Variants in SPTBN5 observed in about 807,000 individuals in gnomAD.
The protein encoded by SPTBN5 is spectrin beta, non-erythrocytic 5.
SPTBN5 carries 513 observed loss-of-function variants against 477.6 expected under a neutral mutation model. The ratio of observed to expected loss-of-function variants is 1.07; its 90% CI spans 1.00 to 1.16. SPTBN5 has a LOEUF of 1.16. Ranked by LOEUF, SPTBN5 falls within the 50% of genes most tolerant of loss-of-function variation. SPTBN5 has a pLI of 0.00. For synonymous variants in SPTBN5, 2,169 were observed against 2,011.7 expected, an observed-to-expected ratio of 1.08 and a Z score of -2.09; for missense variants, 5,062 against 4,731.8, an observed-to-expected ratio of 1.07 and a Z score of -2.05.
intron 3 of SPTBN5, among the ~76,000 whole-genome samples, chr15:41,890,536 G>A (rs1470358840): frequency 1.3e-5 from 2 of 152,248 alleles, no homozygotes; most frequent in African/African-American, 4.8e-5. Context: ...TGGAAATGAG[G>A]GGTCATAACA....
Position 41,886,318 on chromosome 15 carries a change from G to T in SPTBN5, c.937C>A (p.Gln313Lys), listed in dbSNP as rs780787744. 1.4e-5 allele frequency: 22 copies of T among 1,612,528 alleles called. No homozygotes were observed. Among genetic ancestry groups the T allele is most frequent in the Non-Finnish European group, 1.8e-5 (21 of 1,179,460 alleles). ...CAGCGTAGAAGGTCAGCCACCAGCTGCTCGTACTGGGTCTGCAGCAGCTCT... is the reference window on the plus strand; with the variant it reads ...CAGCGTAGAAGGTCAGCCACCAGCTTCTCGTACTGGGTCTGCAGCAGCTCT... Reference protein sequence around the residue: ...ETELLQTQYEQLVADLLRWIA... With the variant: ...ETELLQTQYEKLVADLLRWIA... The change falls in exon 7 of 68, where the codon CAG becomes AAG. Residue 313 changes from glutamine (Q) to lysine (K), a missense_variant. Coordinates refer to ENST00000320955, the MANE Select transcript of SPTBN5 (RefSeq NM_016642.4).
Position 41,848,494 on chromosome 15 carries a change from G to A in SPTBN5, c.*122C>T, listed in dbSNP as rs1246494531. ...ACTGTCTATTCCAGAAGCTGGGCCTGGGGAACTGGGTTGAAGCAGCCACGG... is the reference window on the plus strand; with the variant it reads ...ACTGTCTATTCCAGAAGCTGGGCCTAGGGAACTGGGTTGAAGCAGCCACGG... On this transcript the variant is annotated 3_prime_UTR_variant, in exon 68 of 68. Coordinates refer to ENST00000320955, the MANE Select transcript of SPTBN5 (RefSeq NM_016642.4). 14 of 1,148,344 alleles carry A rather than the reference G, an allele frequency of 1.2e-5. No individual in the cohort carries two copies. The highest frequency in any genetic ancestry group is 4.6e-5 in the African/African-American group (3 of 65,684). 71.1% of individuals were successfully genotyped at this position (1,148,344 alleles called of 1,614,324 possible). A position where few individuals can be genotyped will look rare whatever the true frequency, so the allele number is the denominator to read the frequency against.
At position 41,885,801 on chromosome 15, in the gene SPTBN5, G is replaced by A; in HGVS notation, c.1454C>T (p.Ala485Val). ...GAGGATGTCTGCGATCTCAGCCAGG[G>A]CCTGGAAGCGCCCCTCCTGGGGCAG... ...GILPQEGRFQ[A>V]LAEIADILRQ... Residue 485 changes from alanine (A) to valine (V), a missense_variant, in exon 7 of 68, where the codon GCC (alanine) becomes GTC (valine). Physicochemically the swap from Ala to Val is moderately conservative, Grantham distance 64. Transcript: ENST00000320955. 6.4e-7 allele frequency: 1 copy of A among 1,557,814 alleles called. No individual in the cohort carries two copies. Among genetic ancestry groups the A allele is most frequent in the Non-Finnish European group, 8.7e-7 (1 of 1,150,956 alleles).
rs778780196 is a variant in SPTBN5 at position 41,869,986 on chromosome 15, T to G, written c.5708A>C (p.Gln1903Pro). The G allele has an allele frequency of 2.2e-5, 34 of 1,527,070 alleles. No homozygotes were observed. The highest frequency in any genetic ancestry group is 2.8e-5 in the Non-Finnish European group (32 of 1,135,840). The allele number at this position is 1,527,070 out of a possible 1,614,324, so 94.6% of individuals were successfully genotyped here. A position where few individuals can be genotyped will look rare whatever the true frequency, so the allele number is the denominator to read the frequency against. ...GGCCTGAGGCCCCGGACACAGCTTC[T>G]GCACCCTGCCTGCAGTCTCCAGCAG... ...QELLETAGRV[Q>P]KLCPGPQAHA... The change falls in exon 32 of 68, where the codon CAG becomes CCG. Residue 1903 changes from glutamine to proline, a missense_variant. Coordinates refer to ENST00000320955, the MANE Select transcript of SPTBN5 (RefSeq NM_016642.4).
At chr15:41,888,208 T>A in intron 4 of SPTBN5, 123 bp from the exon 5 acceptor site, 1 of 919,318 alleles carries the variant, frequency 1.1e-6, no homozygotes, top group Non-Finnish European at 1.6e-6. Context: ...CCGGGGCCAG[T>A]GTGACTCTCC....
rs1245050655 is a variant in SPTBN5 at position 41,861,793 on chromosome 15, C to G, written c.7679G>C (p.Ser2560Thr). The stretch of plus-strand genomic sequence containing the variant: ...ATGCTCCTGCCAGGCCCCTTCCAGG[C>G]TGCTCAGCTCCTGTTCTAAGCCAGC... ...VLAGLEQELS[S>T]LEGAWQEHQL... Residue 2560 changes from serine to threonine, a missense_variant, in exon 45 of 68, where the codon AGC (serine) becomes ACC (threonine). Ser to Thr is a moderately conservative substitution (Grantham distance 58). Transcript: ENST00000320955. 1 of 1,565,054 alleles carries G rather than the reference C, an allele frequency of 6.4e-7. No individual in the cohort carries two copies. Among genetic ancestry groups the G allele is most frequent in the Admixed American group, 1.9e-5 (1 of 53,894 alleles).
intron 7 of SPTBN5, among the ~76,000 whole-genome samples, chr15:41,885,258 A>G (rs768702369): frequency 2.1e-4 from 32 of 152,160 alleles, no homozygotes; most frequent in Non-Finnish European, 4.3e-4. Flanking sequence ...TCCTGACCTC[A>G]GGTCATCCGC....
At chr15:41,874,105 C>A in intron 24 of SPTBN5, 60 bp from the exon 25 acceptor site, 1 of 1,536,052 alleles carries the variant, frequency 6.5e-7, no homozygotes, top group South Asian at 1.2e-5. Context: ...GGAGCAGAGC[C>A]ATGGATGTGG....
In SPTBN5 at chr15:41,885,872, T is replaced by C; in HGVS notation, c.1383A>G (p.Thr461=). The change falls in exon 7 of 68, where the codon ACA becomes ACG. Residue 461 remains threonine, a synonymous_variant. Transcript: ENST00000320955. ...QARAPPASLA[T]VEAAVQRLGM... is the part of the protein sequence containing the mutation. ...CCAGCCTCTGGACGGCTGCCTCCAC[T>C]GTGGCCAGGCTGGCTGGCGGGGCTC... 1 of 1,581,248 alleles carries C rather than the reference T, an allele frequency of 6.3e-7. No individual in the cohort carries two copies. The highest frequency in any genetic ancestry group is 1.3e-5 in the African/African-American group (1 of 74,368).
chr15:41,852,715 C>G lies in SPTBN5; in HGVS notation c.10368G>C (p.Glu3456Asp). The change falls in exon 61 of 68, where the codon GAG (glutamate) becomes GAC (aspartate). Residue 3456 changes from glutamate to aspartate, a missense_variant. Coordinates refer to ENST00000320955, the MANE Select transcript of SPTBN5 (RefSeq NM_016642.4). ...PDYGHSVSDV[E>D]LLLHRHQDLE... ...AGTCCTGGTGTCTGTGCAGCAGCAA[C>G]TCCACATCTGACACTGAGTGCTGGG... The G allele has an allele frequency of 3.7e-6, 6 of 1,613,520 alleles. No individual in the cohort carries two copies. The highest frequency in any genetic ancestry group is 4.2e-6 in the Non-Finnish European group (5 of 1,179,882).
Position 41,850,951 on chromosome 15 carries a change from A to ACG in SPTBN5, c.10836-13_10836-12insCG, listed in dbSNP as rs58422701. The ACG allele has an allele frequency of 5.0e-6, 8 of 1,597,698 alleles. No homozygotes were observed. Among genetic ancestry groups the ACG allele is most frequent in the Non-Finnish European group, 6.0e-6 (7 of 1,172,784 alleles). ...CCCCACTGGTCAGCCTGGCACCCAC[A>ACG]GTCACAGGTCAAACTCCACTGTCCC... On this transcript the variant is annotated splice_polypyrimidine_tract_variant and intron_variant, in intron 65 of 67. Transcript: ENST00000320955.
rs756341968 is a variant in SPTBN5, at chr15:41,851,107, C to CA, written c.10786dup (p.Cys3596LeufsTer2). ...GCCGTGGCGGCCCCGCAGCCTCTCA[C>CA]ACCGGGCTCCCGTGAGGTCAAGGAG... On this transcript the variant is annotated frameshift_variant, in exon 65 of 68. Coordinates refer to ENST00000320955, the MANE Select transcript of SPTBN5 (RefSeq NM_016642.4). LOFTEE classifies it high-confidence loss of function. The CA allele has an allele frequency of 6.2e-7, 1 of 1,613,306 alleles. No homozygotes were observed. The highest frequency in any genetic ancestry group is 8.5e-7 in the Non-Finnish European group (1 of 1,179,846).
chr15:41,852,320 G>C lies in SPTBN5; in HGVS notation c.10450-4C>G. The C allele has an allele frequency of 6.4e-7, 1 of 1,574,634 alleles. No homozygotes were observed. The highest frequency in any genetic ancestry group is 8.6e-7 in the Non-Finnish European group (1 of 1,158,334). On this transcript the variant is annotated splice_region_variant and splice_polypyrimidine_tract_variant and intron_variant, in intron 61 of 67. Coordinates refer to ENST00000320955, the MANE Select transcript of SPTBN5 (RefSeq NM_016642.4). ...GCAGCAGGAGCTCCTGTTCCATCTTGGGGAGTGGGCAAGGTGGGCAAGGTG... is the reference window on the plus strand; with the variant it reads ...GCAGCAGGAGCTCCTGTTCCATCTTCGGGAGTGGGCAAGGTGGGCAAGGTG...
rs1486476441 is a variant in SPTBN5 at position 41,876,566 on chromosome 15, C to T, written c.3933G>A (p.Leu1311=). 6.2e-7 allele frequency: 1 copy of T among 1,602,248 alleles called. No individual in the cohort carries two copies. The highest frequency in any genetic ancestry group is 1.1e-5 in the South Asian group (1 of 88,696). The change falls in exon 20 of 68, where the codon CTG becomes CTA. Residue 1311 remains leucine, a synonymous_variant. Transcript: ENST00000320955. ...GRSEQRRRQL[L]ASLQLQEWKQ... is the part of the protein sequence containing the mutation. ...CCCTCACCTGGAGCTGGAGGGAAGC[C>T]AGCAACTGCCTCCTCCTCTGCTCAC...
intron 39 of SPTBN5, among the ~76,000 whole-genome samples, 176 bp downstream of exon 39, chr15:41,865,632 C>T (rs2066273037): frequency 6.6e-6 from 1 of 152,226 alleles, no homozygotes; most frequent in Non-Finnish European, 1.5e-5. Context: ...GGGTGCTACC[C>T]CCATTCTAAA....
intron 38 of SPTBN5, 29 bp downstream of exon 38, chr15:41,866,009 T>G: frequency 6.5e-7 from 1 of 1,548,804 alleles, no homozygotes; most frequent in Non-Finnish European, 8.7e-7. Context: ...TCCCCCCATC[T>G]CTCAGCCCCC....
chr15:41,879,340 G>A lies in SPTBN5; in HGVS notation c.3102C>T (p.Thr1034=). 3.7e-6 allele frequency: 6 copies of A among 1,609,726 alleles called. No homozygotes were observed. Among genetic ancestry groups the A allele is most frequent in the Non-Finnish European group, 5.1e-6 (6 of 1,179,698 alleles). The change falls in exon 16 of 68, where the codon ACC becomes ACT. Residue 1034 remains threonine, a synonymous_variant. Coordinates refer to ENST00000320955, the MANE Select transcript of SPTBN5 (RefSeq NM_016642.4). ...EALQPGSSED[T]CHALQLAQKK... ...TCTGGGCCAGCTGCAGGGCGTGGCA[G>A]GTGTCCTCTGAGCTCCCTGGCTGCA...
intron 24 of SPTBN5, 120 bp from the exon 25 acceptor site, chr15:41,874,165 A>C: frequency 6.7e-7 from 1 of 1,499,566 alleles, no homozygotes; most frequent in South Asian, 1.2e-5. Context: ...TAGCTGGGGC[A>C]GAGATTTGGA....
rs545367923 is a variant in SPTBN5 at position 41,857,492 on chromosome 15, G to T, written c.8367C>A (p.Ala2789=). 6.2e-7 allele frequency: 1 copy of T among 1,604,736 alleles called. No individual in the cohort carries two copies. Among genetic ancestry groups the T allele is most frequent in the South Asian group, 1.1e-5 (1 of 90,448 alleles). Residue 2789 remains alanine (A), a splice_region_variant and synonymous_variant, in exon 51 of 68, where the codon GCC becomes GCA. Transcript: ENST00000320955. ...KVAKLQKACE[A]LRLRRSMEEL... ...CCTCCATGCTCCGCCGCAGACGCAG[G>T]GCCTAGGGTAGAAAGTGAGGTAGGC...
Sources: gnomAD v4.1 joint callset for allele counts (sites outside exome capture counted in the v4.1 genomes callset) on GRCh38, gnomAD v4.1.1 for gene constraint, MANE v1.5 for transcripts, NCBI Gene and HGNC (gene_info 2026-07-23, HGNC 2026-07-21) for gene names.